EPM2A: variants seen among roughly 807,000 people sequenced by gnomAD.
EPM2A encodes laforin.
Under a neutral mutation model 26.5 loss-of-function variants are expected in EPM2A, and 21 were observed. The observed-to-expected ratio is 0.79, with a 90% CI of 0.56 to 1.14. The LOEUF is 1.14. Ranked by LOEUF, EPM2A falls within the 50% of genes most tolerant of loss-of-function variation. EPM2A has a pLI of 0.00. For synonymous variants in EPM2A, 217 were observed against 177.6 expected (o/e 1.22, Z -1.76); for missense variants, 458 against 440.8 (o/e 1.04, Z -0.35).
chr6:145,489,558 A>C, intron 4 of EPM2A: 1 of 741,904 alleles, frequency 1.3e-6, no homozygotes, highest in East Asian at 2.7e-5. Flanking sequence ...TGTTAGCTTA[A>C]GGACAGTCAT....
At chr6:145,619,752 T>G (rs984577756) in intron 2 of EPM2A, among the ~76,000 whole-genome samples, 2 of 151,972 alleles carry the variant, frequency 1.3e-5, no homozygotes, top group African/African-American at 2.4e-5. Context: ...AAAGAGGAAG[T>G]ATATCTAAAA....
intron 4 of EPM2A, among the ~76,000 whole-genome samples, chr6:145,402,069 C>T (rs1211526682): frequency 6.6e-6 from 1 of 151,992 alleles, no homozygotes; most frequent in African/African-American, 2.4e-5. Flanking sequence ...TGGGGAATAA[C>T]GGCATATTTG....
chr6:145,464,781 A>G (rs1441802616), intron 4 of EPM2A, among the ~76,000 whole-genome samples: 1 of 152,068 alleles, frequency 6.6e-6, no homozygotes, highest in Non-Finnish European at 1.5e-5. Context: ...TCTCTCCTTT[A>G]AGAATTCTGA....
intron 4 of EPM2A, among the ~76,000 whole-genome samples, chr6:145,400,253 A>G (rs1169672239): frequency 6.6e-6 from 1 of 152,168 alleles, no homozygotes; most frequent in Admixed American, 6.6e-5. Flanking sequence ...CATAAATGAG[A>G]AATAAAAACA....
intron 4 of EPM2A, among the ~76,000 whole-genome samples, chr6:145,481,861 T>C (rs566436450): frequency 6.6e-6 from 1 of 152,280 alleles, no homozygotes; most frequent in East Asian, 1.9e-4. Flanking sequence ...AGTCTGATGC[T>C]GTAGTTTCTT....
chr6:145,494,760 C>A (rs979299600), intron 4 of EPM2A, among the ~76,000 whole-genome samples: 1 of 152,132 alleles, frequency 6.6e-6, no homozygotes, highest in African/African-American at 2.4e-5. Context: ...CATCCAGGGG[C>A]AGATTATTCA....
chr6:145,519,211 A>T (rs1780171269), intron 2 of EPM2A, among the ~76,000 whole-genome samples: 1 of 152,230 alleles, frequency 6.6e-6, no homozygotes, highest in Admixed American at 6.5e-5. Flanking sequence ...ATAGTTGATT[A>T]GGAAAAAAAG....
chr6:145,694,572 GGA>G (rs1781466735), intron 1 of EPM2A, among the ~76,000 whole-genome samples: 3 of 151,904 alleles, frequency 2.0e-5, no homozygotes, highest in African/African-American at 7.2e-5. Context: ...AATCAGTGAA[GGA>G]GAGGATGAAG....
intron 4 of EPM2A, among the ~76,000 whole-genome samples, chr6:145,494,076 A>G (rs1412879365): frequency 6.6e-6 from 1 of 152,194 alleles, no homozygotes; most frequent in Non-Finnish European, 1.5e-5. Context: ...TATTCTGTGT[A>G]CATCTGGTAG....
At chr6:145,575,940 A>T (rs1462831051) in intron 2 of EPM2A, among the ~76,000 whole-genome samples, 1 of 152,194 alleles carries the variant, frequency 6.6e-6, no homozygotes, top group Non-Finnish European at 1.5e-5. Flanking sequence ...GATTCAAGTG[A>T]TTATCCTGCC....
chr6:145,572,229 T>C (rs1212832282), intron 2 of EPM2A, among the ~76,000 whole-genome samples: 1 of 152,222 alleles, frequency 6.6e-6, no homozygotes, highest in Non-Finnish European at 1.5e-5. Context: ...AGTTGGTGCC[T>C]GCATATTGTG....
intron 2 of EPM2A, among the ~76,000 whole-genome samples, chr6:145,531,836 C>T (rs1476510025): frequency 6.6e-6 from 1 of 152,180 alleles, no homozygotes; most frequent in Non-Finnish European, 1.5e-5. Flanking sequence ...ATAATTTATC[C>T]CTTTTTTATT....
chr6:145,598,984 T>C (rs1781383332), intron 2 of EPM2A, among the ~76,000 whole-genome samples: 1 of 152,214 alleles, frequency 6.6e-6, no homozygotes, highest in Non-Finnish European at 1.5e-5. Context: ...TTAATAGTAT[T>C]ACAATGCTGT....
At chr6:145,391,754 GAGCCCATTGAC>G (rs1405835409) in intron 4 of EPM2A, among the ~76,000 whole-genome samples, 2 of 152,130 alleles carry the variant, frequency 1.3e-5, no homozygotes, top group African/African-American at 2.4e-5. Flanking sequence ...ATGCATGCAT[GAGCCCATTGAC>G]AGCTCAGTTG....
Position 145,627,457 on chromosome 6 carries a change from G to A in EPM2A, c.955C>T (p.Gln319Ter). The A allele has an allele frequency of 6.2e-7, 1 of 1,614,202 alleles. No individual in the cohort carries two copies. The highest frequency in any genetic ancestry group is 8.5e-7 in the Non-Finnish European group (1 of 1,180,040). ...GAAGAACGAACCTTCCCAAATTTCT[G>A]GAAAAAATCTTCTTGTGCCCGGGCC... is the stretch of plus-strand genomic sequence containing the variant. ...ALARAQEDFF[Q>*]KFGKVRSSVC... Residue 319 changes from glutamine to a stop codon, truncating the protein, a stop_gained, in exon 4 of 4, where the codon CAG becomes TAG. Coordinates refer to ENST00000367519, the MANE Select transcript of EPM2A (RefSeq NM_005670.4). LOFTEE classifies it high-confidence loss of function.
chr6:145,389,209 T>C (rs1420039705), intron 4 of EPM2A, among the ~76,000 whole-genome samples: 1 of 151,928 alleles, frequency 6.6e-6, no homozygotes, highest in Middle Eastern at 3.2e-3. Flanking sequence ...TTTTTTCTTT[T>C]TTTTTTTTTA....
At chr6:145,555,327 C>G (rs1334038453) in intron 2 of EPM2A, among the ~76,000 whole-genome samples, 1 of 152,026 alleles carries the variant, frequency 6.6e-6, no homozygotes, top group African/African-American at 2.4e-5. Context: ...CTCCTCCCAG[C>G]CTTTGTGCAT....
At chr6:145,449,858 T>TG (rs34705197) in intron 4 of EPM2A, among the ~76,000 whole-genome samples, 98,654 of 151,950 alleles carry the variant, frequency 0.65, 33,603 homozygotes, top group East Asian at 0.85. Flanking sequence ...TAATAGGAAA[T>TG]GGTTTTTATT....
At chr6:145,433,514 T>C (rs1210721492) in intron 4 of EPM2A, among the ~76,000 whole-genome samples, 1 of 152,210 alleles carries the variant, frequency 6.6e-6, no homozygotes, top group Non-Finnish European at 1.5e-5. Context: ...TCTTATTAGC[T>C]TTTTAGTTAT....
Sources: allele counts gnomAD v4.1 joint callset (sites outside exome capture counted in the v4.1 genomes callset), GRCh38; gene constraint gnomAD v4.1.1; transcripts MANE v1.5; gene names NCBI Gene and HGNC (gene_info 2026-07-23, HGNC 2026-07-21).